The following SGMS1 variants were observed in gnomAD, a reference collection of about 807,000 sequenced individuals.
SGMS1 encodes the protein phosphatidylcholine:ceramide cholinephosphotransferase 1.
In SGMS1, 13 loss-of-function variants were observed where a neutral mutation model predicts 46.2. That is an observed-to-expected ratio of 0.28 (90% CI 0.18 to 0.45). The LOEUF (loss-of-function observed/expected upper bound fraction) is 0.45. SGMS1 is among the 20% of genes least tolerant of loss of function. The pLI, the probability that SGMS1 is intolerant of heterozygous loss-of-function variation, is 1.00. For synonymous variants in SGMS1, 203 were observed against 187.8 expected (o/e 1.08, Z -0.66); for missense variants, 324 against 519.9 (o/e 0.62, Z 3.66).
At chr10:50,559,482 G>A (rs867260625) in intron 2 of SGMS1, among the ~76,000 whole-genome samples, 47 of 152,262 alleles carry the variant, frequency 3.1e-4, no homozygotes, top group Admixed American at 9.2e-4. Flanking sequence ...TAGCTCTCTT[G>A]GCCAATTCTC....
intron 2 of SGMS1, among the ~76,000 whole-genome samples, chr10:50,562,701 G>A (rs371661796): frequency 1.1e-4 from 16 of 152,154 alleles, no homozygotes; most frequent in African/African-American, 3.9e-4. Context: ...CCGCCCCTAT[G>A]CCCGGCTAAT....
At chr10:50,623,095 G>A (rs1259360692) in intron 1 of SGMS1, among the ~76,000 whole-genome samples, 10 of 152,020 alleles carry the variant, frequency 6.6e-5, no homozygotes, top group Non-Finnish European at 1.5e-4. Context: ...CTGTTACGCG[G>A]CCTGGAGAGA....
chr10:50,503,701 A>G (rs1837681152), intron 3 of SGMS1, among the ~76,000 whole-genome samples: 1 of 152,182 alleles, frequency 6.6e-6, no homozygotes, highest in African/African-American at 2.4e-5. Flanking sequence ...GATATGAGTG[A>G]AAGTTCCCAG....
chr10:50,383,644 C>CT (rs1312458889), intron 6 of SGMS1, among the ~76,000 whole-genome samples: 18 of 151,996 alleles, frequency 1.2e-4, no homozygotes, highest in African/African-American at 4.1e-4. Context: ...AAACAAAAAA[C>CT]TTTGATTTGT....
chr10:50,427,375 T>G (rs1203376), intron 6 of SGMS1, among the ~76,000 whole-genome samples: 64,534 of 152,064 alleles, frequency 0.42, 14,338 homozygotes, highest in Non-Finnish European at 0.5. Flanking sequence ...CTCCAGCCTG[T>G]GTAACAGAGC....
At chr10:50,540,959 T>C (rs936757549) in intron 2 of SGMS1, among the ~76,000 whole-genome samples, 3 of 152,046 alleles carry the variant, frequency 2.0e-5, no homozygotes, top group African/African-American at 7.3e-5. Flanking sequence ...TTTGAGATAC[T>C]TTTTGGAGGC....
chr10:50,537,848 G>A (rs1838017173), intron 2 of SGMS1, among the ~76,000 whole-genome samples: 1 of 152,188 alleles, frequency 6.6e-6, no homozygotes, highest in South Asian at 2.1e-4. Context: ...CACCTTCACT[G>A]TGAGAGCACA....
chr10:50,552,381 T>G (rs3011792), intron 2 of SGMS1, among the ~76,000 whole-genome samples: 26,465 of 152,188 alleles, frequency 0.17, 2,989 homozygotes, highest in Non-Finnish European at 0.26. Context: ...TAAGTAGACA[T>G]ACCCTTTAAA....
chr10:50,522,078 C>T (rs1837861839), intron 2 of SGMS1, among the ~76,000 whole-genome samples: 1 of 152,120 alleles, frequency 6.6e-6, no homozygotes, highest in Non-Finnish European at 1.5e-5. Context: ...CTCCAGCAAT[C>T]CCTCCATATT....
intron 3 of SGMS1, among the ~76,000 whole-genome samples, chr10:50,515,647 A>AT (rs1408270544): frequency 6.6e-6 from 1 of 152,210 alleles, no homozygotes; most frequent in Non-Finnish European, 1.5e-5. Flanking sequence ...AGCACTGGCC[A>AT]TCCCTGACAA....
At chr10:50,332,867 C>A (rs1047817165) in intron 7 of SGMS1, among the ~76,000 whole-genome samples, 1 of 152,060 alleles carries the variant, frequency 6.6e-6, no homozygotes, top group Admixed American at 6.5e-5. Flanking sequence ...CTCAAATGAT[C>A]CTCCTGCCTC....
chr10:50,384,506 CTCTTT>C (rs1848653872), intron 6 of SGMS1, among the ~76,000 whole-genome samples: 2 of 151,110 alleles, frequency 1.3e-5, no homozygotes, highest in Non-Finnish European at 2.9e-5. Flanking sequence ...GCCTTCCTTT[CTCTTT>C]TCTTTTCTCT....
In SGMS1 at chr10:50,394,177, A is replaced by C. The variant is rs191330809; in HGVS notation, c.-232+39299T>G. Among the ~76,000 whole-genome samples, 4 of 152,344 alleles carry C rather than the reference A, an allele frequency of 2.6e-5. No individual in the cohort carries two copies. In the East Asian group the frequency reaches 7.7e-4, roughly 29 times the overall value. ...TCTTACAGATAATGTGACTCTTGTG[A>C]TGTTTTCCTTTGGCCACCAGGAATC... is the stretch of plus-strand genomic sequence containing the variant. On this transcript the variant is annotated intron_variant, in intron 6 of 10. Coordinates refer to ENST00000361781, the MANE Select transcript of SGMS1 (RefSeq NM_147156.4).
At chr10:50,334,632 G>A (rs928819454) in intron 7 of SGMS1, 1 of 152,180 alleles carries the variant, frequency 6.6e-6, no homozygotes, top group African/African-American at 2.4e-5. Context: ...TCTAGGCACA[G>A]TAACTAGCAT....
At chr10:50,345,744 C>T (rs1250177382) in intron 6 of SGMS1, among the ~76,000 whole-genome samples, 6 of 152,132 alleles carry the variant, frequency 3.9e-5, no homozygotes, top group African/African-American at 1.4e-4. Flanking sequence ...CAGGGATGCT[C>T]AACTGAGTGC....
intron 6 of SGMS1, among the ~76,000 whole-genome samples, chr10:50,377,677 C>T (rs1848538990): frequency 1.3e-5 from 2 of 152,124 alleles, no homozygotes; most frequent in Admixed American, 6.5e-5. Context: ...AACAAATAAC[C>T]ACAAACTGGG....
At chr10:50,503,694 A>G (rs1837680970) in intron 3 of SGMS1, among the ~76,000 whole-genome samples, 1 of 152,202 alleles carries the variant, frequency 6.6e-6, no homozygotes, top group Non-Finnish European at 1.5e-5. Context: ...TCACACGGAT[A>G]TGAGTGAAAG....
intron 6 of SGMS1, among the ~76,000 whole-genome samples, chr10:50,383,822 T>C (rs1589417434): frequency 6.6e-6 from 1 of 152,168 alleles, no homozygotes; most frequent in East Asian, 1.9e-4. Context: ...GACTATGTAA[T>C]AGAAAGGGGC....
chr10:50,537,452 T>C (rs947509663), intron 2 of SGMS1, among the ~76,000 whole-genome samples: 2 of 138,598 alleles, frequency 1.4e-5, no homozygotes, highest in African/African-American at 5.0e-5. Context: ...TATATATATA[T>C]AGATATATAT....
Sources: gnomAD v4.1 joint callset for allele counts (sites outside exome capture counted in the v4.1 genomes callset) on GRCh38, gnomAD v4.1.1 for gene constraint, MANE v1.5 for transcripts, NCBI Gene and HGNC (gene_info 2026-07-23, HGNC 2026-07-21) for gene names.